PTPN12: variants seen among roughly 807,000 people sequenced by gnomAD.
PTPN12 encodes the protein tyrosine-protein phosphatase non-receptor type 12.
PTPN12 carries 29 observed loss-of-function variants against 97.6 expected under a neutral mutation model. That is an observed-to-expected ratio of 0.30 (90% CI 0.22 to 0.41). The LOEUF is 0.41. Among genes scored for constraint, PTPN12 ranks in the 10% least tolerant of loss-of-function variants. PTPN12 has a pLI of 1.00. For missense variants in PTPN12, 819 were observed against 926.0 expected, an observed-to-expected ratio of 0.88 and a Z score of 1.50; for synonymous variants, 327 against 300.4, an observed-to-expected ratio of 1.09 and a Z score of -0.91.
At chr7:77,633,936 T>C (rs1789493767) in intron 14 of PTPN12, among the ~76,000 whole-genome samples, 1 of 151,770 alleles carries the variant, frequency 6.6e-6, no homozygotes, top group South Asian at 2.1e-4. Flanking sequence ...GGCAGGAGAA[T>C]TGCTTGAACC....
chr7:77,577,546 C>A (rs1420229266), intron 2 of PTPN12, among the ~76,000 whole-genome samples: 1 of 152,066 alleles, frequency 6.6e-6, no homozygotes, highest in African/African-American at 2.4e-5. Flanking sequence ...GTTCCTTACT[C>A]CCTTTCCTTG....
intron 1 of PTPN12, among the ~76,000 whole-genome samples, chr7:77,556,726 AG>A (rs1354461788): frequency 1.3e-5 from 2 of 152,054 alleles, no homozygotes; most frequent in Non-Finnish European, 2.9e-5. Flanking sequence ...GCTACTCGGG[AG>A]GCTGAGGCAG....
At chr7:77,625,472 G>GCTCGCGCGCGCTCTCT in intron 12 of PTPN12, among the ~76,000 whole-genome samples, 799 of 33,512 alleles carry the variant, frequency 0.024, 157 homozygotes, top group South Asian at 0.032. Context: ...CAGGCTGCTC[G>GCTCGCGCGCGCTCTCT]CTCTCTCTCT....
intron 1 of PTPN12, among the ~76,000 whole-genome samples, chr7:77,565,013 C>T (rs573469098): frequency 1.3e-5 from 2 of 152,034 alleles, no homozygotes; most frequent in South Asian, 4.2e-4. Flanking sequence ...GCCTTGGCCT[C>T]CCAAAGTGCT....
chr7:77,627,714 T>G, intron 13 of PTPN12, 39 bp downstream of exon 13: 5 of 1,487,946 alleles, frequency 3.4e-6, no homozygotes, highest in Non-Finnish European at 4.5e-6. Context: ...GTCTTTCCTA[T>G]GTGCTAGTCA....
chr7:77,603,883 C>CTTTTTTTTTTT (rs773037726), intron 8 of PTPN12, among the ~76,000 whole-genome samples: 132 of 87,844 alleles, frequency 1.5e-3, no homozygotes, highest in Non-Finnish European at 2.0e-3. Context: ...TTTTTGTTTG[C>CTTTTTTTTTTT]TTTTTTTTTT....
At chr7:77,577,007 A>G (rs960504756) in intron 2 of PTPN12, among the ~76,000 whole-genome samples, 8 of 152,196 alleles carry the variant, frequency 5.3e-5, no homozygotes, top group African/African-American at 1.9e-4. Flanking sequence ...CATTGCTTTT[A>G]GGCCTTTTCA....
chr7:77,551,262 T>C (rs1289794700), intron 1 of PTPN12, among the ~76,000 whole-genome samples: 1 of 152,166 alleles, frequency 6.6e-6, no homozygotes, highest in Non-Finnish European at 1.5e-5. Context: ...GGTTTTGCCA[T>C]GTTGTCCAGG....
At chr7:77,554,660 G>C (rs544974028) in intron 1 of PTPN12, among the ~76,000 whole-genome samples, 1 of 151,956 alleles carries the variant, frequency 6.6e-6, no homozygotes, top group Admixed American at 6.6e-5. Flanking sequence ...CACAAGGTAG[G>C]TCTGTGGCAA....
In PTPN12 at chr7:77,625,524, A is replaced by G. The variant is rs6953990; in HGVS notation, c.1026-1181A>G. ...CTCTCTCTCTCTCTCTCTCTCTCTC[A>G]CTCTCACTCTCACTCGCGCTCTCTC... On this transcript the variant is annotated intron_variant, in intron 12 of 17. Transcript: ENST00000248594. 5.3e-4 allele frequency among the ~76,000 whole-genome samples: 9 copies of G among 17,012 alleles called. 1 individual carries two copies. Among genetic ancestry groups the G allele is most frequent in the Non-Finnish European group, 8.3e-4 (9 of 10,900 alleles). The allele number at this position is 17,012 out of a possible 152,430, so 11.2% of individuals were successfully genotyped here.
intron 1 of PTPN12, chr7:77,564,018 C>A (rs534980731): frequency 5.6e-6 from 2 of 354,058 alleles, no homozygotes; most frequent in Non-Finnish European, 5.7e-6. Context: ...GCTGGGACTA[C>A]GGGCACACAC....
chr7:77,581,075 T>C (rs143631367), intron 2 of PTPN12, among the ~76,000 whole-genome samples: 405 of 152,018 alleles, frequency 2.7e-3, no homozygotes, highest in Middle Eastern at 0.01. Context: ...TTTTTTGCTG[T>C]TGTTGTTTTG....
chr7:77,627,662 A>G lies in PTPN12; in HGVS notation c.1983A>G (p.Ser661=). 1 of 1,572,320 alleles carries G rather than the reference A, an allele frequency of 6.4e-7. No individual in the cohort carries two copies. Among genetic ancestry groups the G allele is most frequent in the East Asian group, 2.2e-5 (1 of 44,476 alleles). Residue 661 remains serine, a synonymous_variant, in exon 13 of 18, where the codon TCA becomes TCG. Transcript: ENST00000248594. ...ATAATATAGCAGGAACAACACATTC[A>G]GGTGCTGAAAAAGGTAATAATATAG... ...ARHNIAGTTH[S]GAEKDVDVSE... is the part of the protein sequence containing the mutation.
Position 77,627,355 on chromosome 7 carries a change from A to C in PTPN12, c.1676A>C (p.Asn559Thr), listed in dbSNP as rs61757751. 2.5e-6 allele frequency: 4 copies of C among 1,614,112 alleles called. No homozygotes were observed. In the Admixed American group the frequency reaches 6.7e-5, roughly 27 times the overall value. ...TCTGAAGGCAATTCCTCAGATATCA[A>C]CTATCAAACTAGGAAAACTGTGAGT... ...DLSEGNSSDINYQTRKTVSLT... is the reference protein window; with the variant it reads ...DLSEGNSSDITYQTRKTVSLT... The change falls in exon 13 of 18, where the codon AAC becomes ACC. Residue 559 changes from asparagine to threonine, a missense_variant. Physicochemically the swap from Asn to Thr is moderately conservative, Grantham distance 65. This residue lies in a region of PTPN12 where 607 missense variants were observed against 577.3 expected (regional missense o/e 1.05). Coordinates refer to ENST00000248594, the MANE Select transcript of PTPN12 (RefSeq NM_002835.4).
chr7:77,618,496 A>C lies in PTPN12; in HGVS notation c.956A>C (p.Glu319Ala), dbSNP rs1482568407. Residue 319 changes from glutamate (E) to alanine (A), a missense_variant, in exon 12 of 18, where the codon GAA becomes GCA. Coordinates refer to ENST00000248594, the MANE Select transcript of PTPN12 (RefSeq NM_002835.4). ...CCTTGGCAGAATGAAATTAACACTG[A>C]AAACATGGTCAGCTCCATAGAGCCT... ...IADGVNEINT[E>A]NMVSSIEPEK... is the part of the protein sequence containing the mutation. 2 of 1,599,496 alleles carry C rather than the reference A, an allele frequency of 1.3e-6. No homozygotes were observed. The highest frequency in any genetic ancestry group is 2.7e-5 in the African/African-American group (2 of 74,406).
chr7:77,540,097 G>T (rs1344696471), intron 1 of PTPN12, among the ~76,000 whole-genome samples: 1 of 152,156 alleles, frequency 6.6e-6, no homozygotes, highest in Non-Finnish European at 1.5e-5. Flanking sequence ...CGTCAGGAAG[G>T]AGCATTGTTT....
In PTPN12 at chr7:77,626,671, C is replaced by T; in HGVS notation, c.1026-34C>T. 3 of 1,557,480 alleles carry T rather than the reference C, an allele frequency of 1.9e-6. No homozygotes were observed. The South Asian group carries it at 3.7e-5, about 19-fold the overall frequency. On this transcript the variant is annotated intron_variant, in intron 12 of 17. Transcript: ENST00000248594. ...CTCAGGTATCAACTTGTTTAACAGT[C>T]TTAAAATGCCCTTTTTAAATGTTTG...
intron 1 of PTPN12, among the ~76,000 whole-genome samples, chr7:77,540,184 T>C (rs375071483): frequency 2.6e-5 from 4 of 152,062 alleles, no homozygotes; most frequent in Non-Finnish European, 4.4e-5. Context: ...GGTTCATGCT[T>C]TGGGGATGAG....
intron 1 of PTPN12, among the ~76,000 whole-genome samples, chr7:77,569,633 T>C (rs1808393476): frequency 6.6e-6 from 1 of 152,062 alleles, no homozygotes; most frequent in African/African-American, 2.4e-5. Context: ...TAGCTGGACC[T>C]GGTGGCACGC....
Sources: allele counts gnomAD v4.1 joint callset (sites outside exome capture counted in the v4.1 genomes callset), GRCh38; gene constraint gnomAD v4.1.1; regional missense constraint gnomAD v4.1.1; transcripts MANE v1.5; gene names NCBI Gene and HGNC (gene_info 2026-07-23, HGNC 2026-07-21).